Variants in CCBE1 observed in about 807,000 individuals in gnomAD.
CCBE1 encodes the protein collagen and calcium binding EGF domains 1.
A neutral mutation model predicts 50.0 loss-of-function variants in CCBE1; 37 were observed. The ratio of observed to expected loss-of-function variants is 0.74; its 90% CI spans 0.57 to 0.97. CCBE1 has a LOEUF of 0.97. Among genes scored for constraint, CCBE1 ranks in the 50% least tolerant of loss-of-function variants. The pLI, the probability that CCBE1 is intolerant of heterozygous loss-of-function variation, is 0.00. For missense variants in CCBE1, 538 were observed against 523.8 expected (o/e 1.03, Z -0.26); for synonymous variants, 234 against 203.7 (o/e 1.15, Z -1.27).
At chr18:59,606,427 C>T (rs954544243) in intron 2 of CCBE1, among the ~76,000 whole-genome samples, 12 of 152,178 alleles carry the variant, frequency 7.9e-5, no homozygotes, top group African/African-American at 2.7e-4. Flanking sequence ...AGAAGTCAGA[C>T]GTTGATTTTC....
intron 2 of CCBE1, among the ~76,000 whole-genome samples, chr18:59,665,196 C>T (rs143719161): frequency 2.1e-4 from 32 of 152,116 alleles, no homozygotes; most frequent in Non-Finnish European, 3.4e-4. Context: ...CAAAAGCTCA[C>T]GCAAGAGGAT....
intron 7 of CCBE1, 64 bp from the exon 8 acceptor site, chr18:59,439,880 A>G (rs748373378): frequency 1.3e-6 from 2 of 1,577,922 alleles, no homozygotes; most frequent in African/African-American, 2.7e-5. Flanking sequence ...CCTGGCTAAC[A>G]AGAGTCCAGG....
chr18:59,557,789 A>G (rs2052675437), intron 2 of CCBE1, among the ~76,000 whole-genome samples: 1 of 152,140 alleles, frequency 6.6e-6, no homozygotes, highest in Non-Finnish European at 1.5e-5. Flanking sequence ...TCTTTTCAAT[A>G]AATCTATGCT....
chr18:59,532,091 A>C (rs1915076425), intron 2 of CCBE1, among the ~76,000 whole-genome samples: 1 of 152,112 alleles, frequency 6.6e-6, no homozygotes, highest in African/African-American at 2.4e-5. Context: ...TTTGAGACAC[A>C]GTCTCACTCT....
chr18:59,484,087 T>C (rs2143783986), intron 2 of CCBE1, among the ~76,000 whole-genome samples: 1 of 152,346 alleles, frequency 6.6e-6, no homozygotes, highest in African/African-American at 2.4e-5. Context: ...CACCTTTATA[T>C]TGCATGAAAC....
chr18:59,518,139 C>T (rs1046774161), intron 2 of CCBE1, among the ~76,000 whole-genome samples: 1 of 152,178 alleles, frequency 6.6e-6, no homozygotes, highest in East Asian at 1.9e-4. Flanking sequence ...ACCCCCATAG[C>T]AGGCACAGTA....
intron 2 of CCBE1, among the ~76,000 whole-genome samples, chr18:59,601,048 G>C (rs1438909360): frequency 0.031 from 448 of 14,568 alleles, 12 homozygotes; most frequent in African/African-American, 0.074. Context: ...TTTTTTTTTT[G>C]TAAGACAGGG....
At chr18:59,552,985 C>T (rs963486500) in intron 2 of CCBE1, among the ~76,000 whole-genome samples, 2 of 152,078 alleles carry the variant, frequency 1.3e-5, no homozygotes, top group Admixed American at 1.3e-4. Flanking sequence ...ATGGTAGTCT[C>T]CTCTAGTTGC....
At chr18:59,598,477 C>T (rs948184878) in intron 2 of CCBE1, among the ~76,000 whole-genome samples, 3 of 152,206 alleles carry the variant, frequency 2.0e-5, no homozygotes, top group African/African-American at 7.2e-5. Flanking sequence ...AAAGCACACC[C>T]AGAATGCCAG....
chr18:59,473,091 T>C (rs550568470), intron 3 of CCBE1, among the ~76,000 whole-genome samples: 65 of 152,344 alleles, frequency 4.3e-4, no homozygotes, highest in Non-Finnish European at 7.9e-4. Context: ...CATATATCCA[T>C]GTCTTTCTCT....
At chr18:59,520,782 C>G (rs1285577021) in intron 2 of CCBE1, among the ~76,000 whole-genome samples, 1 of 152,150 alleles carries the variant, frequency 6.6e-6, no homozygotes, top group Non-Finnish European at 1.5e-5. Context: ...GGCTGATTGC[C>G]AAAATGAGCA....
chr18:59,580,284 C>G (rs2053063472), intron 2 of CCBE1, among the ~76,000 whole-genome samples: 1 of 152,160 alleles, frequency 6.6e-6, no homozygotes, highest in Admixed American at 6.5e-5. Context: ...TCTTATCTAC[C>G]TAATAACCTG....
intron 2 of CCBE1, among the ~76,000 whole-genome samples, chr18:59,627,050 T>A (rs2053793953): frequency 6.6e-6 from 1 of 152,214 alleles, no homozygotes; most frequent in South Asian, 2.1e-4. Context: ...AGAGCTCAGT[T>A]TCCTTATCAC....
intron 2 of CCBE1, among the ~76,000 whole-genome samples, chr18:59,661,291 A>G (rs1307543006): frequency 6.6e-6 from 1 of 152,236 alleles, no homozygotes; most frequent in Admixed American, 6.5e-5. Flanking sequence ...AAGCTGGGAC[A>G]CTGTTCACAT....
chr18:59,491,525 T>A (rs1038238478), intron 2 of CCBE1, among the ~76,000 whole-genome samples: 1 of 152,152 alleles, frequency 6.6e-6, no homozygotes, highest in African/African-American at 2.4e-5. Flanking sequence ...ATAGAAAAAA[T>A]AAAAATGGCC....
chr18:59,663,975 C>G (rs1214297531), intron 2 of CCBE1, among the ~76,000 whole-genome samples: 1 of 152,260 alleles, frequency 6.6e-6, no homozygotes, highest in East Asian at 1.9e-4. Context: ...GGAGCCTGCA[C>G]AGCATGTTCA....
intron 2 of CCBE1, 43 bp downstream of exon 2, chr18:59,696,586 C>T (rs762253389): frequency 3.7e-6 from 6 of 1,611,514 alleles, no homozygotes. Context: ...CCAGCCAGCC[C>T]CGGTGCGCAG....
At chr18:59,549,847 G>C (rs995526720) in intron 2 of CCBE1, among the ~76,000 whole-genome samples, 1 of 152,218 alleles carries the variant, frequency 6.6e-6, no homozygotes, top group Non-Finnish European at 1.5e-5. Flanking sequence ...ACAGCAATGT[G>C]ACATTAGTGG....
intron 2 of CCBE1, among the ~76,000 whole-genome samples, chr18:59,495,272 C>T (rs560595048): frequency 6.6e-5 from 10 of 151,786 alleles, no homozygotes; most frequent in Non-Finnish European, 8.8e-5. Flanking sequence ...ATAACAATTA[C>T]GTAACTGTGA....
Sources: allele counts gnomAD v4.1 joint callset (sites outside exome capture counted in the v4.1 genomes callset), GRCh38; gene constraint gnomAD v4.1.1; transcripts MANE v1.5; gene names NCBI Gene and HGNC (gene_info 2026-07-23, HGNC 2026-07-21).